The following BRPF3 variants were observed in gnomAD, a reference collection of about 807,000 sequenced individuals.
BRPF3 encodes bromodomain and PHD finger-containing protein 3.
A neutral mutation model predicts 102.0 loss-of-function variants in BRPF3; 18 were observed. The ratio of observed to expected loss-of-function variants is 0.18; its 90% CI spans 0.12 to 0.26. The LOEUF (loss-of-function observed/expected upper bound fraction) is 0.26, where lower values mean the gene tolerates loss of function less well. Ranked by LOEUF, BRPF3 falls within the 10% of genes least tolerant of loss-of-function variation. The pLI, the probability that BRPF3 is intolerant of heterozygous loss-of-function variation, is 1.00. For missense variants in BRPF3, 1,147 were observed against 1,567.8 expected, an observed-to-expected ratio of 0.73 and a Z score of 4.53; for synonymous variants, 570 against 614.2, an observed-to-expected ratio of 0.93 and a Z score of 1.06.
In BRPF3 at chr6:36,204,168, G is replaced by A. The variant is rs575270351; in HGVS notation, c.1449-490G>A. 5.9e-5 allele frequency among the ~76,000 whole-genome samples: 9 copies of A among 152,144 alleles called. No homozygotes were observed. The South Asian group carries it at 1.7e-3, about 28-fold the overall frequency. On this transcript the variant is annotated intron_variant, in intron 2 of 12. Transcript: ENST00000357641. ...AGGTTTATACCATGAAAAACCAGAC[G>A]TCAAACAAGTCTAAGGGGTTGCATT...
chr6:36,212,952 T>C (rs904879916), intron 7 of BRPF3, among the ~76,000 whole-genome samples: 1 of 150,814 alleles, frequency 6.6e-6, no homozygotes, highest in Non-Finnish European at 1.5e-5. Context: ...AGAGCGAGAC[T>C]CCGTCTCAAA....
chr6:36,228,572 G>A (rs973831648), intron 11 of BRPF3, among the ~76,000 whole-genome samples: 5 of 152,184 alleles, frequency 3.3e-5, no homozygotes, highest in Non-Finnish European at 7.3e-5. Context: ...AAGGTAGTGG[G>A]TAACCAGAGA....
intron 8 of BRPF3, 77 bp downstream of exon 8, chr6:36,214,463 A>T: frequency 6.8e-7 from 1 of 1,459,960 alleles, no homozygotes; most frequent in African/African-American, 1.4e-5. Context: ...ACCTTCCCCA[A>T]TTGGCCATCT....
chr6:36,200,204 A>T lies in BRPF3; in HGVS notation c.-26-93A>T. ...GGCAAGTTGTTCAGACAGAGGGAAA[A>T]GCCAGTCCTCTTGGTGGATGCTTGA... On this transcript the variant is annotated intron_variant, in intron 1 of 12. Transcript: ENST00000357641. The surrounding 1 kb of genome is among the most constrained non-coding windows in gnomAD (Gnocchi z 5.3). The T allele has an allele frequency of 7.1e-7, 1 of 1,406,460 alleles. No individual in the cohort carries two copies. Among genetic ancestry groups the T allele is most frequent in the African/African-American group, 1.4e-5 (1 of 69,142 alleles). The allele number at this position is 1,406,460 out of a possible 1,614,324, so 87.1% of individuals were successfully genotyped here.
chr6:36,197,827 C>G (rs545544885), intron 1 of BRPF3, among the ~76,000 whole-genome samples: 34 of 152,222 alleles, frequency 2.2e-4, no homozygotes, highest in South Asian at 4.2e-4. Context: ...AGTTTCTCCC[C>G]GGTGTCTGGA....
intron 9 of BRPF3, among the ~76,000 whole-genome samples, 176 bp from the exon 10 acceptor site, chr6:36,221,992 C>T (rs1768560460): frequency 6.6e-6 from 1 of 152,132 alleles, no homozygotes; most frequent in African/African-American, 2.4e-5. Flanking sequence ...CTCATGGGAA[C>T]TTTTCAGTCA....
rs1428738697 is a variant in BRPF3, at chr6:36,230,154, C to G, written c.3435-272C>G. Among the ~76,000 whole-genome samples the G allele has an allele frequency of 6.6e-6, 1 of 152,128 alleles. No individual in the cohort carries two copies. Among genetic ancestry groups the G allele is most frequent in the Non-Finnish European group, 1.5e-5 (1 of 68,026 alleles). On this transcript the variant is annotated intron_variant, in intron 12 of 12. Coordinates refer to ENST00000357641, the MANE Select transcript of BRPF3 (RefSeq NM_015695.3). The surrounding 1 kb of genome is among the most constrained non-coding windows in gnomAD (Gnocchi z 5.4). The stretch of plus-strand genomic sequence containing the variant: ...GTGGGCCTTTCTTAGCCTATGGACC[C>G]TTACAACTCTCCAAACAGAGTAAGG...
At chr6:36,204,240 A>T (rs1285554791) in intron 2 of BRPF3, among the ~76,000 whole-genome samples, 1 of 152,206 alleles carries the variant, frequency 6.6e-6, no homozygotes, top group African/African-American at 2.4e-5. Flanking sequence ...TGGGACTCTC[A>T]GCCGCAGAAG....
Position 36,214,148 on chromosome 6 carries a change from T to C in BRPF3, c.2751T>C (p.Gly917=), listed in dbSNP as rs142144276. 2 of 1,609,502 alleles carry C rather than the reference T, an allele frequency of 1.2e-6. No individual in the cohort carries two copies. Among genetic ancestry groups the C allele is most frequent in the African/African-American group, 2.7e-5 (2 of 74,760 alleles). The change falls in exon 8 of 13, where the codon GGT becomes GGC. Residue 917 remains glycine (G), a synonymous_variant. Coordinates refer to ENST00000357641, the MANE Select transcript of BRPF3 (RefSeq NM_015695.3). ...TCATGGCCCCTGACACCCCGGCCGG[T>C]ACCCCACTTAGTGGTGTGGGTCGCC... is the stretch of plus-strand genomic sequence containing the variant. ...LSLMAPDTPA[G]TPLSGVGRRT...
intron 2 of BRPF3, among the ~76,000 whole-genome samples, chr6:36,203,447 T>C (rs934357435): frequency 3.9e-5 from 6 of 152,208 alleles, no homozygotes; most frequent in Non-Finnish European, 8.8e-5. Flanking sequence ...ACAAATGCTG[T>C]TGGGATCCTC....
rs1043524690 is a variant in BRPF3, at chr6:36,200,110, A to G, written c.-26-187A>G. Among the ~76,000 whole-genome samples, 1 of 152,250 alleles carries G rather than the reference A, an allele frequency of 6.6e-6. No homozygotes were observed. Among genetic ancestry groups the G allele is most frequent in the South Asian group, 2.1e-4 (1 of 4,830 alleles). ...GTGGTCAGAGAAGGTCTCACTGAGA[A>G]GTGTTGTTCACTTGAAGAAATGAAA... On this transcript the variant is annotated intron_variant, in intron 1 of 12. Coordinates refer to ENST00000357641, the MANE Select transcript of BRPF3 (RefSeq NM_015695.3). The surrounding 1 kb of genome is among the most constrained non-coding windows in gnomAD (Gnocchi z 5.3).
chr6:36,217,033 A>G (rs953192744), intron 8 of BRPF3, among the ~76,000 whole-genome samples: 9 of 152,162 alleles, frequency 5.9e-5, no homozygotes, highest in African/African-American at 1.9e-4. Context: ...GCGAGACCCT[A>G]TCTCAAAAAA....
In BRPF3 at chr6:36,210,409, G is replaced by A. The variant is rs1360010841; in HGVS notation, c.2060G>A (p.Gly687Glu). The A allele has an allele frequency of 6.2e-7, 1 of 1,614,060 alleles. No individual in the cohort carries two copies. Among genetic ancestry groups the A allele is most frequent in the Admixed American group, 1.7e-5 (1 of 60,034 alleles). Residue 687 changes from glycine to glutamate, a missense_variant, in exon 6 of 13, where the codon GGG (glycine) becomes GAG (glutamate). Transcript: ENST00000357641. This position sits in a 1 kb window ranked among gnomAD's most constrained non-coding sequence, Gnocchi z 4.7. ...RAAVRLRDLG[G>E]AILRHARRQA... ...GCTGTCCGCCTGCGGGACCTGGGAG[G>A]GGCCATCCTACGGCACGCCCGGCGG...
intron 10 of BRPF3, 99 bp downstream of exon 10, chr6:36,222,364 G>A: frequency 4.5e-6 from 5 of 1,119,218 alleles, no homozygotes; most frequent in Non-Finnish European, 6.5e-6. Flanking sequence ...CAGGCAGCCA[G>A]TCCTTGAGCT....
At chr6:36,213,326 T>C (rs1768198901) in intron 7 of BRPF3, among the ~76,000 whole-genome samples, 1 of 152,236 alleles carries the variant, frequency 6.6e-6, no homozygotes, top group Non-Finnish European at 1.5e-5. Context: ...GCCTAGGCAT[T>C]GGAATTTTTA....
Position 36,211,286 on chromosome 6 carries a change from G to A in BRPF3, c.2208G>A (p.Arg736=). ...DVDNILIPEN[R]AHLSPEVQLK... ...ACAACATCCTCATCCCAGAGAACCG[G>A]GCCCATTTGTCCCCAGAGGTGCAGC... The change falls in exon 7 of 13, where the codon CGG becomes CGA. Residue 736 remains arginine (R), a synonymous_variant. Transcript: ENST00000357641. 6.2e-7 allele frequency: 1 copy of A among 1,614,056 alleles called. No individual in the cohort carries two copies. Among genetic ancestry groups the A allele is most frequent in the Non-Finnish European group, 8.5e-7 (1 of 1,179,956 alleles).
At chr6:36,199,361 GA>G (rs1460588662) in intron 1 of BRPF3, among the ~76,000 whole-genome samples, 4 of 152,228 alleles carry the variant, frequency 2.6e-5, no homozygotes, top group Non-Finnish European at 5.9e-5. Context: ...CTCATCTGTG[GA>G]AAAATTGTCT....
chr6:36,203,483 G>A (rs1454054836), intron 2 of BRPF3, among the ~76,000 whole-genome samples: 3 of 152,228 alleles, frequency 2.0e-5, no homozygotes, highest in African/African-American at 7.2e-5. Context: ...GAGGGAGGGT[G>A]CTGCCTACAT....
chr6:36,202,415 C>A (rs1040752478), intron 2 of BRPF3, among the ~76,000 whole-genome samples: 6 of 141,842 alleles, frequency 4.2e-5, no homozygotes, highest in African/African-American at 1.3e-4. Context: ...TGTGGACCCC[C>A]CCCCCCTCCG....
Sources: allele counts gnomAD v4.1 joint callset (sites outside exome capture counted in the v4.1 genomes callset), GRCh38; gene constraint gnomAD v4.1.1; non-coding constraint Gnocchi (gnomAD v3.1); transcripts MANE v1.5; gene names NCBI Gene and HGNC (gene_info 2026-07-23, HGNC 2026-07-21).